Variants in ZFPM2 observed in about 807,000 individuals in gnomAD.
ZFPM2 encodes zinc finger protein ZFPM2.
In ZFPM2, 20 loss-of-function variants were observed where a neutral mutation model predicts 98.6. The observed-to-expected ratio is 0.20, with a 90% CI of 0.14 to 0.29. The LOEUF (loss-of-function observed/expected upper bound fraction) is 0.29, where lower values mean the gene tolerates loss of function less well. Among genes scored for constraint, ZFPM2 ranks in the 10% least tolerant of loss-of-function variants. The probability of loss-of-function intolerance (pLI) is 1.00; values close to 1 mark genes in which losing one functional copy is unlikely to be tolerated. For synonymous variants in ZFPM2, 518 were observed against 502.7 expected (o/e 1.03, Z -0.41); for missense variants, 1,310 against 1,388.6 (o/e 0.94, Z 0.90).
intron 3 of ZFPM2, among the ~76,000 whole-genome samples, chr8:105,545,319 G>T (rs1039851161): frequency 6.6e-6 from 1 of 151,988 alleles, no homozygotes; most frequent in Non-Finnish European, 1.5e-5. Flanking sequence ...ATTGTTATTT[G>T]GTAGATCAGT....
chr8:105,775,391 C>T (rs1432737779), intron 5 of ZFPM2, among the ~76,000 whole-genome samples: 1 of 151,766 alleles, frequency 6.6e-6, no homozygotes, highest in East Asian at 1.9e-4. Context: ...ACCCAACACA[C>T]AAGTCGTAAT....
intron 4 of ZFPM2, among the ~76,000 whole-genome samples, chr8:105,567,546 C>T (rs1262506282): frequency 6.6e-6 from 1 of 152,050 alleles, no homozygotes; most frequent in Non-Finnish European, 1.5e-5. Flanking sequence ...CACAACCTTA[C>T]TGGAATTTTC....
At chr8:105,636,456 A>G (rs1156784097) in intron 5 of ZFPM2, among the ~76,000 whole-genome samples, 3 of 152,176 alleles carry the variant, frequency 2.0e-5, no homozygotes, top group African/African-American at 7.2e-5. Flanking sequence ...TGATGCTCCC[A>G]TGCCAAATTG....
chr8:105,684,149 G>A (rs1240255144), intron 5 of ZFPM2, among the ~76,000 whole-genome samples: 1 of 152,098 alleles, frequency 6.6e-6, no homozygotes, highest in Non-Finnish European at 1.5e-5. Context: ...ATAGGGATGT[G>A]GCAGGCCACA....
chr8:105,670,646 C>T (rs1309235289), intron 5 of ZFPM2, among the ~76,000 whole-genome samples: 2 of 152,112 alleles, frequency 1.3e-5, no homozygotes, highest in Non-Finnish European at 1.5e-5. Context: ...TTATACATTA[C>T]CCTGACCCCA....
intron 1 of ZFPM2, among the ~76,000 whole-genome samples, chr8:105,343,478 C>T (rs1226169022): frequency 6.6e-6 from 1 of 152,042 alleles, no homozygotes; most frequent in Admixed American, 6.6e-5. Context: ...GAGCTATATT[C>T]GGATATCTGG....
intron 5 of ZFPM2, among the ~76,000 whole-genome samples, chr8:105,732,711 A>T (rs531908562): frequency 6.6e-6 from 1 of 151,974 alleles, no homozygotes; most frequent in East Asian, 1.9e-4. Flanking sequence ...TTTGTAAATT[A>T]CAGTAATCTA....
In ZFPM2 at chr8:105,798,728, T is replaced by C. The variant is rs766216514; in HGVS notation, c.744T>C (p.Asp248=). The change falls in exon 7 of 8, where the codon GAT becomes GAC. Residue 248 remains aspartate, a synonymous_variant. Coordinates refer to ENST00000407775, the MANE Select transcript of ZFPM2 (RefSeq NM_012082.4). ...SILPTAIVNK[D]IFPCKSCGIW... The stretch of plus-strand genomic sequence containing the variant: ...CTCTTGTGTTTTTACCTGCAGAGGA[T>C]ATATTCCCTTGCAAGTCCTGTGGCA... 2 of 1,612,996 alleles carry C rather than the reference T, an allele frequency of 1.2e-6. No homozygotes were observed. The highest frequency in any genetic ancestry group is 1.7e-5 in the Admixed American group (1 of 59,858).
chr8:105,787,794 A>G (rs536638286), intron 5 of ZFPM2, among the ~76,000 whole-genome samples: 3 of 152,348 alleles, frequency 2.0e-5, no homozygotes, highest in African/African-American at 7.2e-5. Context: ...GCATAACTGT[A>G]TAGGATACAT....
At chr8:105,383,860 A>C (rs2129892173) in intron 1 of ZFPM2, among the ~76,000 whole-genome samples, 1 of 152,306 alleles carries the variant, frequency 6.6e-6, no homozygotes, top group Non-Finnish European at 1.5e-5. Context: ...TCACTATATT[A>C]ACTCATTTTA....
intron 5 of ZFPM2, among the ~76,000 whole-genome samples, chr8:105,724,986 CAA>C (rs912763768): frequency 2.0e-5 from 3 of 151,768 alleles, no homozygotes; most frequent in Non-Finnish European, 4.4e-5. Flanking sequence ...CTGTGTTATT[CAA>C]GAGTCAACTG....
chr8:105,414,679 T>G (rs992677951), intron 1 of ZFPM2, among the ~76,000 whole-genome samples: 1 of 151,990 alleles, frequency 6.6e-6, no homozygotes, highest in African/African-American at 2.4e-5. Flanking sequence ...TTTCAGGGTT[T>G]TCTTTAGCCC....
intron 4 of ZFPM2, among the ~76,000 whole-genome samples, chr8:105,597,546 A>T (rs937704081): frequency 6.6e-6 from 1 of 152,124 alleles, no homozygotes; most frequent in Non-Finnish European, 1.5e-5. Flanking sequence ...TAGTCATTAA[A>T]GAGTATAGAG....
intron 1 of ZFPM2, among the ~76,000 whole-genome samples, chr8:105,393,334 T>TC (rs374340648): frequency 0.016 from 1,993 of 124,252 alleles, 58 homozygotes; most frequent in Admixed American, 0.019. Flanking sequence ...CTCTCTCTCT[T>TC]TGCCTTTCTT....
intron 5 of ZFPM2, among the ~76,000 whole-genome samples, chr8:105,658,067 T>G (rs1389239446): frequency 3.3e-5 from 5 of 152,224 alleles, no homozygotes; most frequent in African/African-American, 1.2e-4. Context: ...CTTTTCCTAT[T>G]GGCGAATATT....
intron 4 of ZFPM2, among the ~76,000 whole-genome samples, chr8:105,597,053 A>G (rs1305632742): frequency 6.6e-6 from 1 of 151,996 alleles, no homozygotes; most frequent in African/African-American, 2.4e-5. Flanking sequence ...TCCTAAATGT[A>G]ACAGCTGCAT....
intron 5 of ZFPM2, among the ~76,000 whole-genome samples, chr8:105,704,334 T>A (rs984003279): frequency 1.3e-5 from 2 of 152,172 alleles, no homozygotes; most frequent in Non-Finnish European, 2.9e-5. Context: ...GGCAGAAAAT[T>A]GGATGCAGCT....
intron 1 of ZFPM2, among the ~76,000 whole-genome samples, chr8:105,351,655 G>A (rs1159900228): frequency 6.6e-6 from 1 of 152,038 alleles, no homozygotes; most frequent in Non-Finnish European, 1.5e-5. Context: ...TCCTTTTAAT[G>A]ACTAAATTTG....
chr8:105,764,265 CTCTT>C (rs1422022392), intron 5 of ZFPM2, among the ~76,000 whole-genome samples: 1 of 140,236 alleles, frequency 7.1e-6, no homozygotes, highest in African/African-American at 2.8e-5. Flanking sequence ...AACTCTCTCT[CTCTT>C]TCTCTCTCTC....
Sources: allele counts gnomAD v4.1 joint callset (sites outside exome capture counted in the v4.1 genomes callset), GRCh38; gene constraint gnomAD v4.1.1; transcripts MANE v1.5; gene names NCBI Gene and HGNC (gene_info 2026-07-23, HGNC 2026-07-21).